Variants in MDGA2 observed in about 807,000 individuals in gnomAD.
MDGA2 encodes MAM domain containing glycosylphosphatidylinositol anchor 2, also known as MAM domain-containing glycosylphosphatidylinositol anchor protein 2.
Under a neutral mutation model 117.8 loss-of-function variants are expected in MDGA2, and 40 were observed. The observed-to-expected ratio is 0.34, with a 90% CI of 0.26 to 0.44. The LOEUF is 0.44. Among genes scored for constraint, MDGA2 ranks in the 20% least tolerant of loss-of-function variants. The pLI is 1.00. For synonymous variants in MDGA2, 452 were observed against 439.0 expected, an observed-to-expected ratio of 1.03 and a Z score of -0.37; for missense variants, 1,123 against 1,250.6, an observed-to-expected ratio of 0.90 and a Z score of 1.54.
At chr14:46,885,354 A>G (rs1349736092) in intron 10 of MDGA2, among the ~76,000 whole-genome samples, 1 of 152,176 alleles carries the variant, frequency 6.6e-6, no homozygotes, top group East Asian at 1.9e-4. Flanking sequence ...AATTAACTAG[A>G]CTTTATTAAA....
chr14:46,880,824 A>AT, intron 11 of MDGA2, among the ~76,000 whole-genome samples: 1 of 150,394 alleles, frequency 6.6e-6, no homozygotes, highest in South Asian at 2.1e-4. Flanking sequence ...AAAAAAAAAA[A>AT]AAGAAAGAAT....
intron 1 of MDGA2, among the ~76,000 whole-genome samples, chr14:47,316,955 C>A (rs184698937): frequency 9.7e-4 from 147 of 152,162 alleles, no homozygotes; most frequent in Middle Eastern, 3.4e-3. Flanking sequence ...TGACATATAT[C>A]AAACTTCCCT....
chr14:47,192,497 C>A (rs1014557158), intron 3 of MDGA2, among the ~76,000 whole-genome samples: 2 of 151,946 alleles, frequency 1.3e-5, no homozygotes, highest in Non-Finnish European at 2.9e-5. Flanking sequence ...TAGCTGTAGT[C>A]CCAGCTACTT....
At chr14:47,408,616 T>C (rs558205422) in intron 1 of MDGA2, among the ~76,000 whole-genome samples, 2 of 152,356 alleles carry the variant, frequency 1.3e-5, no homozygotes, top group East Asian at 3.9e-4. Context: ...CAAAGTTTTA[T>C]CAACACTCTG....
rs549906286 is a variant in MDGA2 at position 46,972,816 on chromosome 14, C to G, written c.1820-15173G>C. 1.9e-4 allele frequency among the ~76,000 whole-genome samples: 29 copies of G among 152,124 alleles called. No homozygotes were observed. The East Asian group carries it at 5.4e-3, about 28-fold the overall frequency. On this transcript the variant is annotated intron_variant, in intron 8 of 16. Transcript: ENST00000399232. ...ATTTTTTCATTGTTCTGCAAAGACA[C>G]AGTCAAGAAAATGAAAAGAAAAACT...
chr14:46,967,418 A>G (rs1407046987), intron 8 of MDGA2, among the ~76,000 whole-genome samples: 7 of 152,214 alleles, frequency 4.6e-5, no homozygotes, highest in Admixed American at 1.3e-4. Flanking sequence ...AATTATTTAT[A>G]AATGCAATAT....
intron 1 of MDGA2, among the ~76,000 whole-genome samples, chr14:47,360,569 A>G (rs1360304402): frequency 1.3e-5 from 2 of 152,098 alleles, no homozygotes; most frequent in African/African-American, 2.4e-5. Flanking sequence ...AAGACAAGAG[A>G]TAACAAGTAT....
At chr14:47,535,717 T>G (rs1566503354) in intron 1 of MDGA2, among the ~76,000 whole-genome samples, 1 of 152,218 alleles carries the variant, frequency 6.6e-6, no homozygotes, top group African/African-American at 2.4e-5. Flanking sequence ...AGGTGCAGAC[T>G]GAAATTTTTC....
At chr14:47,466,824 CAT>C (rs145550927) in intron 1 of MDGA2, among the ~76,000 whole-genome samples, 5,872 of 152,006 alleles carry the variant, frequency 0.039, 381 homozygotes, top group African/African-American at 0.13. Context: ...ATGTTAATAA[CAT>C]ATTATAATAC....
intron 8 of MDGA2, among the ~76,000 whole-genome samples, chr14:46,973,299 A>C (rs1258153149): frequency 2.0e-5 from 3 of 152,164 alleles, no homozygotes; most frequent in South Asian, 2.1e-4. Flanking sequence ...TTATGTTTAC[A>C]AAAAACAACC....
chr14:47,407,839 A>T (rs1892289919), intron 1 of MDGA2, among the ~76,000 whole-genome samples: 2 of 152,190 alleles, frequency 1.3e-5, no homozygotes, highest in Admixed American at 1.3e-4. Flanking sequence ...CGAATACATT[A>T]GTTAAACAAA....
chr14:47,355,251 TG>T (rs1186344843), intron 1 of MDGA2, among the ~76,000 whole-genome samples: 2 of 152,142 alleles, frequency 1.3e-5, no homozygotes, highest in Non-Finnish European at 2.9e-5. Flanking sequence ...TGATCAGCCC[TG>T]AATGAGGACC....
At chr14:47,137,823 A>T (rs1443637404) in intron 4 of MDGA2, among the ~76,000 whole-genome samples, 1 of 152,126 alleles carries the variant, frequency 6.6e-6, no homozygotes, top group African/African-American at 2.4e-5. Flanking sequence ...GGGATTGGAG[A>T]GTTGTTCTGG....
At chr14:47,534,422 G>T (rs373939097) in intron 1 of MDGA2, among the ~76,000 whole-genome samples, 9 of 152,174 alleles carry the variant, frequency 5.9e-5, no homozygotes, top group African/African-American at 1.7e-4. Context: ...AAGAAAAGAG[G>T]TTTAATTGAC....
intron 1 of MDGA2, among the ~76,000 whole-genome samples, chr14:47,626,827 C>T (rs1041907914): frequency 3.9e-5 from 6 of 152,250 alleles, no homozygotes; most frequent in African/African-American, 1.4e-4. Context: ...CCGCCAGAGC[C>T]TCCTGACGAG....
In MDGA2 at chr14:47,174,156, G is replaced by C. The variant is rs553427552; in HGVS notation, c.596-29882C>G. The stretch of plus-strand genomic sequence containing the variant: ...CACCCAGATTCATAAAGCAAGTCCT[G>C]AGTGACCTACAAAGAGACTTAGACT... On this transcript the variant is annotated intron_variant, in intron 3 of 16. Coordinates refer to ENST00000399232, the MANE Select transcript of MDGA2 (RefSeq NM_001113498.3). Among the ~76,000 whole-genome samples the C allele has an allele frequency of 5.3e-5, 8 of 152,138 alleles. No individual in the cohort carries two copies. The East Asian group carries it at 9.7e-4, about 18-fold the overall frequency.
chr14:47,552,772 T>A (rs2138781233), intron 1 of MDGA2, among the ~76,000 whole-genome samples: 1 of 151,472 alleles, frequency 6.6e-6, no homozygotes, highest in South Asian at 2.1e-4. Context: ...TTTTCTTTCT[T>A]ACTAAAAGCA....
chr14:47,635,067 A>T (rs1897301260), intron 1 of MDGA2, among the ~76,000 whole-genome samples: 2 of 152,140 alleles, frequency 1.3e-5, no homozygotes, highest in South Asian at 4.1e-4. Context: ...TGAACATTAA[A>T]TGTTTTTATA....
At chr14:46,872,068 C>T in intron 14 of MDGA2, 1 of 155,790 alleles carries the variant, frequency 6.4e-6, no homozygotes, top group Non-Finnish European at 1.4e-5. Context: ...CTAGTTAATA[C>T]TGTTGGGTAT....
Sources: gnomAD v4.1 joint callset for allele counts (sites outside exome capture counted in the v4.1 genomes callset) on GRCh38, gnomAD v4.1.1 for gene constraint, MANE v1.5 for transcripts, NCBI Gene and HGNC (gene_info 2026-07-23, HGNC 2026-07-21) for gene names.